MECOM: variants seen among roughly 807,000 people sequenced by gnomAD.
MECOM encodes histone-lysine N-methyltransferase MECOM.
A neutral mutation model predicts 116.3 loss-of-function variants in MECOM; 13 were observed. That is an observed-to-expected ratio of 0.11 (90% confidence interval 0.07 to 0.18). The LOEUF (loss-of-function observed/expected upper bound fraction) is 0.18. Among genes scored for constraint, MECOM ranks in the 10% least tolerant of loss-of-function variants. MECOM has a pLI of 1.00. For missense variants in MECOM, 1,299 were observed against 1,509.0 expected (o/e 0.86, Z 2.31); for synonymous variants, 528 against 535.2 (o/e 0.99, Z 0.19).
intron 1 of MECOM, among the ~76,000 whole-genome samples, chr3:169,462,098 A>G (rs902207789): frequency 6.6e-6 from 1 of 152,096 alleles, no homozygotes; most frequent in African/African-American, 2.4e-5. Context: ...CAAAGTGTAA[A>G]TTTTAGACAC....
At chr3:169,307,896 C>A (rs1031283112) in intron 2 of MECOM, among the ~76,000 whole-genome samples, 1 of 152,188 alleles carries the variant, frequency 6.6e-6, no homozygotes, top group African/African-American at 2.4e-5. Context: ...CTTCTCCACT[C>A]TCATTTCCTT....
In MECOM at chr3:169,090,195, G is replaced by T; in HGVS notation, c.3206C>A (p.Thr1069Asn). The change falls in exon 15 of 17, where the codon ACC (threonine) becomes AAC (asparagine). Residue 1069 changes from threonine to asparagine, a missense_variant. This residue lies in a region of MECOM where 273 missense variants were observed against 289.3 expected (regional missense o/e 0.94). Coordinates refer to ENST00000651503, the MANE Select transcript of MECOM (RefSeq NM_004991.4). ...ATCCAGCAAGTCTGAATTTTGACTG[G>T]TCACCAAAGCCTTTTCATCTTTAAA... ...SHFKDEKALV[T>N]SQNSDLLDDE... is the part of the protein sequence containing the mutation. 6.2e-7 allele frequency: 1 copy of T among 1,611,846 alleles called. No homozygotes were observed. Among genetic ancestry groups the T allele is most frequent in the Non-Finnish European group, 8.5e-7 (1 of 1,179,108 alleles).
chr3:169,426,403 C>T (rs774705598), intron 1 of MECOM, among the ~76,000 whole-genome samples: 6 of 152,098 alleles, frequency 3.9e-5, no homozygotes, highest in South Asian at 2.1e-4. Flanking sequence ...AACTTCAAGA[C>T]GGTGGACACT....
intron 2 of MECOM, among the ~76,000 whole-genome samples, chr3:169,200,896 T>A (rs904742889): frequency 1.3e-4 from 20 of 152,174 alleles, no homozygotes; most frequent in Admixed American, 1.3e-3. Flanking sequence ...ATGTGATAAC[T>A]CTTCATCCCC....
chr3:169,523,433 ATTT>A (rs34747811), intron 1 of MECOM, among the ~76,000 whole-genome samples: 3 of 147,920 alleles, frequency 2.0e-5, no homozygotes, highest in African/African-American at 5.0e-5. Flanking sequence ...ACTGCAGGTA[ATTT>A]TTTTTTTTTT....
chr3:169,492,602 A>G (rs924627549), intron 1 of MECOM, among the ~76,000 whole-genome samples: 3 of 152,244 alleles, frequency 2.0e-5, no homozygotes. Context: ...TAATACTATT[A>G]TTATATAACC....
Position 169,572,425 on chromosome 3 carries a change from C to A in MECOM, c.37+90911G>T, listed in dbSNP as rs1052333724. Among the ~76,000 whole-genome samples the A allele has an allele frequency of 2.1e-4, 32 of 152,194 alleles. 1 individual carries two copies. Among genetic ancestry groups the A allele is most frequent in the African/African-American group, 7.7e-4 (32 of 41,448 alleles). The stretch of plus-strand genomic sequence containing the variant: ...AAATTAGTTCAACCATTGTGAAACA[C>A]AGTGTGGCGATTCCTCAAGGATCTA... On this transcript the variant is annotated intron_variant, in intron 1 of 16. Transcript: ENST00000651503.
At chr3:169,259,086 AT>A (rs1560055433) in intron 2 of MECOM, among the ~76,000 whole-genome samples, 1 of 152,164 alleles carries the variant, frequency 6.6e-6, no homozygotes, top group Non-Finnish European at 1.5e-5. Flanking sequence ...AGCTGATGCC[AT>A]TTTTAATGAA....
At chr3:169,598,703 G>A (rs745886383) in intron 1 of MECOM, among the ~76,000 whole-genome samples, 5 of 152,258 alleles carry the variant, frequency 3.3e-5, no homozygotes, top group South Asian at 2.1e-4. Context: ...AATTTGCACC[G>A]CAGTTGGTGC....
chr3:169,386,409 C>T (rs185606914), intron 1 of MECOM, among the ~76,000 whole-genome samples: 1 of 152,252 alleles, frequency 6.6e-6, no homozygotes, highest in East Asian at 1.9e-4. Context: ...CCAGTCCTCC[C>T]TTTAACTCTT....
intron 1 of MECOM, among the ~76,000 whole-genome samples, chr3:169,459,081 G>A (rs951881561): frequency 6.6e-6 from 1 of 152,166 alleles, no homozygotes; most frequent in African/African-American, 2.4e-5. Flanking sequence ...GTTTTAGAGC[G>A]TTTCCCATTT....
chr3:169,415,450 C>T (rs890642563), intron 1 of MECOM, among the ~76,000 whole-genome samples: 9 of 152,226 alleles, frequency 5.9e-5, no homozygotes, highest in East Asian at 1.9e-4. Flanking sequence ...TAAAGATCAT[C>T]GACACTATGA....
At chr3:169,628,773 G>T (rs1706856545) in intron 1 of MECOM, among the ~76,000 whole-genome samples, 1 of 152,176 alleles carries the variant, frequency 6.6e-6, no homozygotes, top group South Asian at 2.1e-4. Flanking sequence ...GAGCTCAGGG[G>T]GAGGAGCATT....
At chr3:169,174,552 G>A (rs1017104778) in intron 2 of MECOM, among the ~76,000 whole-genome samples, 3 of 152,118 alleles carry the variant, frequency 2.0e-5, no homozygotes, top group African/African-American at 7.2e-5. Flanking sequence ...CCAAACATCA[G>A]TTATATCAAA....
intron 2 of MECOM, among the ~76,000 whole-genome samples, chr3:169,195,835 C>A (rs905486174): frequency 6.6e-6 from 1 of 152,046 alleles, no homozygotes; most frequent in African/African-American, 2.4e-5. Flanking sequence ...CTCGCTCTGT[C>A]AAGAGGCAGC....
chr3:169,480,378 A>G (rs1323126721), intron 1 of MECOM, among the ~76,000 whole-genome samples: 3 of 152,000 alleles, frequency 2.0e-5, no homozygotes, highest in Non-Finnish European at 4.4e-5. Context: ...AGGATTTACA[A>G]GGTGTATACA....
intron 1 of MECOM, among the ~76,000 whole-genome samples, chr3:169,609,643 A>T (rs983775856): frequency 1.3e-5 from 2 of 152,196 alleles, no homozygotes; most frequent in African/African-American, 4.8e-5. Flanking sequence ...GACAAATTAT[A>T]GTCTCTGTAA....
chr3:169,314,759 G>A (rs766995118), intron 2 of MECOM, among the ~76,000 whole-genome samples: 6 of 152,054 alleles, frequency 3.9e-5, no homozygotes, highest in Non-Finnish European at 8.8e-5. Context: ...AGAGGAAAAG[G>A]CAAAAAGAAG....
At chr3:169,619,140 C>T (rs941775205) in intron 1 of MECOM, among the ~76,000 whole-genome samples, 1 of 152,152 alleles carries the variant, frequency 6.6e-6, no homozygotes, top group African/African-American at 2.4e-5. Context: ...ATTTTGCTGC[C>T]ATTTGTACCT....
Sources: allele counts gnomAD v4.1 joint callset (sites outside exome capture counted in the v4.1 genomes callset), GRCh38; gene constraint gnomAD v4.1.1; regional missense constraint gnomAD v4.1.1; transcripts MANE v1.5; gene names NCBI Gene and HGNC (gene_info 2026-07-23, HGNC 2026-07-21).